Variants in WDPCP observed in about 807,000 individuals in gnomAD.
The protein encoded by WDPCP is WD repeat-containing and planar cell polarity effector protein fritz homolog.
Under a neutral mutation model 93.1 loss-of-function variants are expected in WDPCP, and 71 were observed. The ratio of observed to expected loss-of-function variants is 0.76; its 90% CI spans 0.63 to 0.93. The LOEUF is 0.93. WDPCP is among the 40% of genes least tolerant of loss of function. The probability of loss-of-function intolerance (pLI) is 0.00; values close to 1 mark genes in which losing one functional copy is unlikely to be tolerated. For missense variants in WDPCP, 844 were observed against 887.4 expected (o/e 0.95, Z 0.62); for synonymous variants, 315 against 315.0 (o/e 1.00, Z 0.00).
At chr2:63,448,761 C>T (rs552840639) in intron 6 of WDPCP, among the ~76,000 whole-genome samples, 3 of 152,042 alleles carry the variant, frequency 2.0e-5, no homozygotes, top group Non-Finnish European at 4.4e-5. Flanking sequence ...AAGCTAGGCA[C>T]AGAAAGACAA....
intron 17 of WDPCP, among the ~76,000 whole-genome samples, chr2:63,138,065 T>A (rs1325762084): frequency 8.0e-6 from 1 of 124,790 alleles, no homozygotes; most frequent in Non-Finnish European, 1.6e-5. Context: ...TTAGGTTCCA[T>A]ATGATTTTTT....
chr2:63,570,261 C>A (rs560797374), intron 1 of WDPCP, among the ~76,000 whole-genome samples: 1 of 152,122 alleles, frequency 6.6e-6, no homozygotes, highest in African/African-American at 2.4e-5. Context: ...AAAAAGGGTT[C>A]TTTGCTACTT....
At chr2:63,798,708 T>C (rs529985447) in intron 2 of WDPCP, among the ~76,000 whole-genome samples, 42 of 152,162 alleles carry the variant, frequency 2.8e-4, no homozygotes, top group Admixed American at 2.4e-3. Context: ...AAAATGGCAG[T>C]AGTAAGTCTT....
At chr2:63,503,917 A>C (rs1701710215) in intron 1 of WDPCP, among the ~76,000 whole-genome samples, 1 of 151,898 alleles carries the variant, frequency 6.6e-6, no homozygotes, top group South Asian at 2.1e-4. Flanking sequence ...GAAAAAAAAA[A>C]AAAACAGAAA....
intron 2 of WDPCP, chr2:63,752,320 CT>C (rs1277142810): frequency 2.5e-5 from 20 of 812,032 alleles, no homozygotes; most frequent in Non-Finnish European, 3.6e-5. Context: ...CAACAAATAC[CT>C]TTTTCACAGT....
intron 1 of WDPCP, among the ~76,000 whole-genome samples, chr2:63,565,204 C>T (rs1458915281): frequency 6.6e-6 from 1 of 152,196 alleles, no homozygotes; most frequent in Non-Finnish European, 1.5e-5. Flanking sequence ...GATTATTAGA[C>T]TTAAAATTTT....
intron 9 of WDPCP, among the ~76,000 whole-genome samples, chr2:63,410,963 C>A (rs569179427): frequency 6.6e-6 from 1 of 152,130 alleles, no homozygotes; most frequent in Non-Finnish European, 1.5e-5. Flanking sequence ...CAATACTCCA[C>A]TAACAGCACT....
chr2:63,398,155 A>C (rs1239763426), intron 10 of WDPCP, among the ~76,000 whole-genome samples: 2 of 152,140 alleles, frequency 1.3e-5, no homozygotes, highest in Admixed American at 6.6e-5. Flanking sequence ...GCGTCGTAAG[A>C]AGCAGATAAA....
chr2:63,775,365 A>G (rs1670286736), intron 2 of WDPCP, among the ~76,000 whole-genome samples: 1 of 152,204 alleles, frequency 6.6e-6, no homozygotes, highest in Admixed American at 6.5e-5. Flanking sequence ...GAACATTGTT[A>G]TAACAAACTG....
intron 15 of WDPCP, among the ~76,000 whole-genome samples, chr2:63,161,774 T>C (rs1023322352): frequency 4.6e-5 from 7 of 151,786 alleles, no homozygotes; most frequent in Non-Finnish European, 2.9e-5. Context: ...TTTCTTTTTT[T>C]TTTTTTTGAC....
chr2:63,379,848 T>C (rs571609926), intron 11 of WDPCP, among the ~76,000 whole-genome samples: 66 of 152,190 alleles, frequency 4.3e-4, no homozygotes, highest in Non-Finnish European at 7.4e-4. Flanking sequence ...TTTAGAAATA[T>C]GTTTTGTAGT....
chr2:63,569,366 G>A (rs1707305285), intron 1 of WDPCP, among the ~76,000 whole-genome samples: 1 of 152,096 alleles, frequency 6.6e-6, no homozygotes, highest in African/African-American at 2.4e-5. Context: ...CACTGTTAAT[G>A]TTCTATTTCT....
intron 2 of WDPCP, among the ~76,000 whole-genome samples, chr2:63,810,250 T>C (rs1019546592): frequency 6.6e-6 from 1 of 152,206 alleles, no homozygotes; most frequent in African/African-American, 2.4e-5. Flanking sequence ...AATACCATCT[T>C]TTATGTTGAC....
chr2:63,671,312 A>T (rs976197927), intron 2 of WDPCP, among the ~76,000 whole-genome samples: 2 of 152,118 alleles, frequency 1.3e-5, no homozygotes, highest in Non-Finnish European at 2.9e-5. Flanking sequence ...TGCAGCAGGG[A>T]TACTAACAGT....
chr2:63,498,998 A>T (rs998311188), intron 1 of WDPCP, among the ~76,000 whole-genome samples: 1 of 152,230 alleles, frequency 6.6e-6, no homozygotes, highest in Admixed American at 6.5e-5. Flanking sequence ...ACAGGGCCTT[A>T]TGAGATCTAA....
chr2:63,838,199 T>C, the WDPCP span, among the ~76,000 whole-genome samples: 19 of 152,290 alleles, frequency 1.2e-4, no homozygotes, highest in South Asian at 3.7e-3. Context: ...ATGTTCGCTA[T>C]GTACCAGACA....
chr2:63,154,787 G>T (rs1672124564), intron 15 of WDPCP, among the ~76,000 whole-genome samples: 1 of 151,988 alleles, frequency 6.6e-6, no homozygotes, highest in Admixed American at 6.6e-5. Context: ...CAGTTACTTT[G>T]CATCATCCTC....
intron 15 of WDPCP, among the ~76,000 whole-genome samples, chr2:63,171,180 T>C (rs889430822): frequency 2.6e-5 from 4 of 151,770 alleles, no homozygotes; most frequent in Non-Finnish European, 5.9e-5. Flanking sequence ...TAAAAGACAA[T>C]CAAAAAAAGA....
rs796718833 is a variant in WDPCP, at chr2:63,606,658, GTTT to G, written n.488+43998_488+44000del. On this transcript the variant is annotated intron_variant and non_coding_transcript_variant, in intron 3 of 4. Coordinates refer to the WDPCP transcript ENST00000467687. ...TGTGCTAAAGTCAGTCATTTTTGAA[GTTT>G]TTTTTTTTTAGATTCAAGGGGTTTA... Among the ~76,000 whole-genome samples, 16 of 145,202 alleles carry G rather than the reference GTTT, an allele frequency of 1.1e-4. 1 individual carries two copies. The highest frequency in any genetic ancestry group is 3.8e-4 in the African/African-American group (15 of 39,824).
Sources: allele counts gnomAD v4.1 joint callset (sites outside exome capture counted in the v4.1 genomes callset), GRCh38; gene constraint gnomAD v4.1.1; transcripts MANE v1.5; gene names NCBI Gene and HGNC (gene_info 2026-07-23, HGNC 2026-07-21).